The following FRMD4B variants were observed in gnomAD, a reference collection of about 807,000 sequenced individuals.
FRMD4B encodes FERM domain-containing protein 4B.
In FRMD4B, 74 loss-of-function variants were observed where a neutral mutation model predicts 141.5. The observed-to-expected ratio is 0.52, with a 90% CI of 0.43 to 0.63. The LOEUF (loss-of-function observed/expected upper bound fraction) is 0.63, where lower values mean the gene tolerates loss of function less well. FRMD4B is among the 30% of genes least tolerant of loss of function. FRMD4B has a pLI of 0.00. For missense variants in FRMD4B, 1,366 were observed against 1,253.4 expected, an observed-to-expected ratio of 1.09 and a Z score of -1.36; for synonymous variants, 506 against 467.9, an observed-to-expected ratio of 1.08 and a Z score of -1.05.
intron 1 of FRMD4B, among the ~76,000 whole-genome samples, chr3:69,474,998 G>A (rs9834677): frequency 0.22 from 33,076 of 152,026 alleles, 4,914 homozygotes; most frequent in African/African-American, 0.43. Context: ...AGGGAAAAAG[G>A]AAATGTCTTG....
chr3:69,511,184 T>G (rs1706680487), intron 1 of FRMD4B, among the ~76,000 whole-genome samples: 1 of 152,226 alleles, frequency 6.6e-6, no homozygotes, highest in African/African-American at 2.4e-5. Context: ...ATGGTCCCAG[T>G]AGTTGTATAA....
chr3:69,487,147 C>T (rs1158431717), intron 1 of FRMD4B, among the ~76,000 whole-genome samples: 6 of 152,158 alleles, frequency 3.9e-5, no homozygotes, highest in African/African-American at 1.4e-4. Flanking sequence ...ATCTCCACCA[C>T]CTGTACTTGA....
intron 7 of FRMD4B, among the ~76,000 whole-genome samples, chr3:69,234,408 C>T (rs1237346320): frequency 6.6e-6 from 1 of 152,118 alleles, no homozygotes; most frequent in Non-Finnish European, 1.5e-5. Flanking sequence ...TAACAAACAC[C>T]AATTTCCTCA....
chr3:69,311,349 A>C lies in FRMD4B; in HGVS notation c.237T>G (p.Leu79=). 6.3e-7 allele frequency: 1 copy of C among 1,590,140 alleles called. No individual in the cohort carries two copies. The highest frequency in any genetic ancestry group is 8.6e-7 in the Non-Finnish European group (1 of 1,159,648). ...CTAGGTCCAGCAACTCTCTTGCTAG[A>C]AGTTTGGGCTGTCAAAATAAAAATC... ...RRLELLVQPK[L]LARELLDLVA... Residue 79 remains leucine (L), a synonymous_variant, in exon 3 of 23, where the codon CTT becomes CTG. Coordinates refer to ENST00000398540, the MANE Select transcript of FRMD4B (RefSeq NM_015123.3).
intron 5 of FRMD4B, among the ~76,000 whole-genome samples, chr3:69,285,680 C>A (rs534884429): frequency 6.6e-6 from 1 of 151,804 alleles, no homozygotes; most frequent in Non-Finnish European, 1.5e-5. Flanking sequence ...CCCATTGCTA[C>A]AAAAAATACA....
intron 1 of FRMD4B, among the ~76,000 whole-genome samples, chr3:69,456,538 C>T (rs899512537): frequency 1.3e-5 from 2 of 152,074 alleles, no homozygotes; most frequent in African/African-American, 4.8e-5. Flanking sequence ...GATTTTTCTC[C>T]ATCACAGCCC....
chr3:69,372,659 C>T (rs932089741), intron 1 of FRMD4B, among the ~76,000 whole-genome samples: 8 of 150,650 alleles, frequency 5.3e-5, no homozygotes, highest in East Asian at 1.9e-4. Context: ...AGCAGGACTC[C>T]GTCTCAAAAA....
At chr3:69,510,785 C>T (rs1706674569) in intron 1 of FRMD4B, among the ~76,000 whole-genome samples, 1 of 152,206 alleles carries the variant, frequency 6.6e-6, no homozygotes, top group Non-Finnish European at 1.5e-5. Context: ...ACATACAGGG[C>T]ACAACAAGCA....
At chr3:69,368,972 T>C (rs1380771571) in intron 1 of FRMD4B, among the ~76,000 whole-genome samples, 1 of 152,232 alleles carries the variant, frequency 6.6e-6, no homozygotes, top group African/African-American at 2.4e-5. Flanking sequence ...GTTTTCTTCT[T>C]TTTAATCAAA....
chr3:69,296,453 A>G (rs528165564), intron 4 of FRMD4B, among the ~76,000 whole-genome samples: 5 of 152,204 alleles, frequency 3.3e-5, no homozygotes, highest in Non-Finnish European at 5.9e-5. Flanking sequence ...TGGATCCTCA[A>G]AGAGGAAGGC....
At chr3:69,243,978 G>T (rs552175982) in intron 7 of FRMD4B, among the ~76,000 whole-genome samples, 4 of 152,098 alleles carry the variant, frequency 2.6e-5, no homozygotes, top group African/African-American at 9.7e-5. Flanking sequence ...CCCGGGAGGC[G>T]GAGGTTGCTG....
At chr3:69,466,695 C>CCTTTT (rs1705793330) in intron 1 of FRMD4B, among the ~76,000 whole-genome samples, 1 of 151,890 alleles carries the variant, frequency 6.6e-6, no homozygotes, top group Non-Finnish European at 1.5e-5. Context: ...AAAAGCAAAA[C>CCTTTT]CTTTTCTTTT....
At chr3:69,338,561 C>T (rs1348904974) in intron 1 of FRMD4B, among the ~76,000 whole-genome samples, 1 of 152,130 alleles carries the variant, frequency 6.6e-6, no homozygotes, top group Non-Finnish European at 1.5e-5. Flanking sequence ...AGGTCATTAT[C>T]ATAAGCAAAC....
At chr3:69,345,046 C>G (rs1211835825) in intron 1 of FRMD4B, among the ~76,000 whole-genome samples, 1 of 152,040 alleles carries the variant, frequency 6.6e-6, no homozygotes, top group Admixed American at 6.6e-5. Context: ...GGCATCGCCT[C>G]ACCTGGGAAG....
In FRMD4B at chr3:69,170,368, G is replaced by C. The variant is rs531711009; in HGVS notation, c.*1493C>G. On this transcript the variant is annotated 3_prime_UTR_variant, in exon 23 of 23. Transcript: ENST00000398540. ...TGCAAAAAGGTTATTTCTGATTCTA[G>C]AAGGCTATACAAATATGCAAAAAAG... 4.0e-5 allele frequency: 6 copies of C among 151,662 alleles called. No individual in the cohort carries two copies. Among genetic ancestry groups the C allele is most frequent in the Non-Finnish European group, 8.8e-5 (6 of 67,936 alleles). 9.4% of individuals were successfully genotyped at this position (151,662 alleles called of 1,614,324 possible).
chr3:69,266,002 G>C (rs1409233869), intron 5 of FRMD4B, among the ~76,000 whole-genome samples: 2 of 151,480 alleles, frequency 1.3e-5, no homozygotes, highest in African/African-American at 4.9e-5. Context: ...TTCTAGACCA[G>C]TCTGGGCAAC....
intron 1 of FRMD4B, among the ~76,000 whole-genome samples, chr3:69,441,623 C>A (rs1401788274): frequency 6.6e-6 from 1 of 152,178 alleles, no homozygotes; most frequent in Non-Finnish European, 1.5e-5. Flanking sequence ...GAGGACCTTG[C>A]TGCCTTGTTC....
intron 2 of FRMD4B, among the ~76,000 whole-genome samples, chr3:69,312,911 A>G (rs1241267735): frequency 2.0e-5 from 3 of 152,048 alleles, no homozygotes; most frequent in South Asian, 4.1e-4. Context: ...ATATCTATCT[A>G]TATCATCACT....
At chr3:69,342,064 A>G (rs1411930490) in intron 1 of FRMD4B, among the ~76,000 whole-genome samples, 1 of 152,204 alleles carries the variant, frequency 6.6e-6, no homozygotes, top group Non-Finnish European at 1.5e-5. Context: ...TCACAGGTCT[A>G]CTAATGACAT....
Sources: allele counts gnomAD v4.1 joint callset (sites outside exome capture counted in the v4.1 genomes callset), GRCh38; gene constraint gnomAD v4.1.1; transcripts MANE v1.5; gene names NCBI Gene and HGNC (gene_info 2026-07-23, HGNC 2026-07-21).